The following FAM227B variants were observed in gnomAD, a reference collection of about 807,000 sequenced individuals.
FAM227B encodes the protein protein FAM227B.
Under a neutral mutation model 73.8 loss-of-function variants are expected in FAM227B, and 88 were observed. That is an observed-to-expected ratio of 1.19 (90% CI 1.00 to 1.42). FAM227B has a LOEUF of 1.42. Ranked by LOEUF, FAM227B falls within the 40% of genes most tolerant of loss-of-function variation. The pLI is 0.00. For synonymous variants in FAM227B, 210 were observed against 190.5 expected, an observed-to-expected ratio of 1.10 and a Z score of -0.84; for missense variants, 632 against 590.9, an observed-to-expected ratio of 1.07 and a Z score of -0.72.
intron 13 of FAM227B, among the ~76,000 whole-genome samples, chr15:49,364,311 G>C (rs1036039546): frequency 6.6e-6 from 1 of 152,066 alleles, no homozygotes; most frequent in Non-Finnish European, 1.5e-5. Flanking sequence ...GGTCTGTTCA[G>C]GGATTCAGTT....
intron 11 of FAM227B, among the ~76,000 whole-genome samples, chr15:49,431,258 G>C (rs11855798): frequency 0.28 from 41,997 of 151,604 alleles, 7,130 homozygotes; most frequent in Non-Finnish European, 0.38. Context: ...ACATGATTTG[G>C]AAAATTGTGT....
intron 10 of FAM227B, among the ~76,000 whole-genome samples, chr15:49,529,261 C>G (rs767684076): frequency 1.3e-5 from 2 of 151,186 alleles, no homozygotes; most frequent in Non-Finnish European, 3.0e-5. Context: ...TAAGTGGGAA[C>G]TAAACAATGG....
At chr15:49,392,512 G>C (rs1405612067) in intron 11 of FAM227B, among the ~76,000 whole-genome samples, 1 of 152,136 alleles carries the variant, frequency 6.6e-6, no homozygotes, top group Non-Finnish European at 1.5e-5. Context: ...TCAGGCAGTG[G>C]AGTGTATATA....
At chr15:49,595,325 T>C (rs1471091685) in intron 3 of FAM227B, among the ~76,000 whole-genome samples, 1 of 152,146 alleles carries the variant, frequency 6.6e-6, no homozygotes, top group Non-Finnish European at 1.5e-5. Flanking sequence ...AAATCATTTA[T>C]CAGATCTAGG....
At chr15:49,451,345 T>C (rs1029613004) in intron 11 of FAM227B, among the ~76,000 whole-genome samples, 6 of 152,022 alleles carry the variant, frequency 3.9e-5, no homozygotes, top group African/African-American at 1.4e-4. Context: ...AAAATTAGTA[T>C]CATAATGATA....
Position 49,439,453 on chromosome 15 carries a change from T to G in FAM227B, c.1013-68054A>C, listed in dbSNP as rs563541443. Among the ~76,000 whole-genome samples the G allele has an allele frequency of 5.9e-5, 9 of 151,674 alleles. No homozygotes were observed. The East Asian group carries it at 1.8e-3, about 30-fold the overall frequency. Reference sequence around the variant, plus strand: ...GTGGGGGGAGGGAACTACCCAAGGGTGTGAATAGTGAATACTAAGTGTTAG... The same window carrying G: ...GTGGGGGGAGGGAACTACCCAAGGGGGTGAATAGTGAATACTAAGTGTTAG... On this transcript the variant is annotated intron_variant, in intron 11 of 15. Transcript: ENST00000299338.
chr15:49,363,942 A>C (rs2044686123), intron 13 of FAM227B, among the ~76,000 whole-genome samples: 1 of 151,344 alleles, frequency 6.6e-6, no homozygotes, highest in African/African-American at 2.4e-5. Context: ...TGTTGCATGA[A>C]CCTTGTGTCC....
At chr15:49,600,362 T>TG (rs2077115754) in intron 3 of FAM227B, among the ~76,000 whole-genome samples, 1 of 150,938 alleles carries the variant, frequency 6.6e-6, no homozygotes, top group South Asian at 2.1e-4. Context: ...TTTTTTTTTT[T>TG]TTTAAATCCG....
intron 8 of FAM227B, among the ~76,000 whole-genome samples, chr15:49,569,233 A>G (rs2074908993): frequency 6.6e-6 from 1 of 151,488 alleles, no homozygotes; most frequent in South Asian, 2.1e-4. Flanking sequence ...CCACTTTTTT[A>G]TAATTTTAGT....
chr15:49,444,742 A>G (rs1270502552), intron 11 of FAM227B, among the ~76,000 whole-genome samples: 4 of 151,672 alleles, frequency 2.6e-5, no homozygotes, highest in Non-Finnish European at 4.4e-5. Flanking sequence ...TAAATTGCAA[A>G]TATCTCCAGC....
intron 9 of FAM227B, among the ~76,000 whole-genome samples, chr15:49,556,421 T>C (rs2073689948): frequency 6.6e-6 from 1 of 152,160 alleles, no homozygotes; most frequent in African/African-American, 2.4e-5. Context: ...CCCTGGCCCC[T>C]TGAGGTTAGA....
intron 11 of FAM227B, among the ~76,000 whole-genome samples, chr15:49,410,004 C>G (rs1014679283): frequency 1.3e-5 from 2 of 152,068 alleles, no homozygotes; most frequent in African/African-American, 2.4e-5. Context: ...TTCCCTTGTT[C>G]TCATTTCTTT....
intron 10 of FAM227B, among the ~76,000 whole-genome samples, chr15:49,536,058 C>T (rs929806565): frequency 9.9e-6 from 1 of 101,294 alleles, no homozygotes; most frequent in Non-Finnish European, 1.9e-5. Flanking sequence ...GAAGTACTAG[C>T]AAGGGCAATC....
At chr15:49,351,499 G>A (rs2042235717) in intron 13 of FAM227B, among the ~76,000 whole-genome samples, 1 of 151,288 alleles carries the variant, frequency 6.6e-6, no homozygotes, top group African/African-American at 2.4e-5. Flanking sequence ...CCATCTAATC[G>A]ACTATTGGAG....
rs866669195 is a variant in FAM227B at position 49,535,068 on chromosome 15, G to A, written c.874+6612C>T. Among the ~76,000 whole-genome samples, 10 of 151,454 alleles carry A rather than the reference G, an allele frequency of 6.6e-5. No individual in the cohort carries two copies. The South Asian group carries it at 8.3e-4, about 13-fold the overall frequency. On this transcript the variant is annotated intron_variant, in intron 10 of 15. Transcript: ENST00000299338. ...AAATTAAAATCAAAGTTAGCAGAAG[G>A]AAGGAAATAACAAAAAACAGAACAG...
Position 49,485,194 on chromosome 15 carries a change from C to G in FAM227B, c.1012+23017G>C, listed in dbSNP as rs1384461487. The G allele has an allele frequency of 2.0e-5, 3 of 152,394 alleles. No individual in the cohort carries two copies. In the East Asian group the frequency reaches 5.8e-4, roughly 29 times the overall value. 9.4% of individuals were successfully genotyped at this position (152,394 alleles called of 1,614,324 possible). ...TTGCTAAAAGGATGTTTCCAAAAAT[C>G]TTGTATATAAGATAGCAACAGTGAT... On this transcript the variant is annotated intron_variant, in intron 11 of 15. Transcript: ENST00000299338.
intron 11 of FAM227B, among the ~76,000 whole-genome samples, chr15:49,491,723 A>C (rs2057120777): frequency 7.6e-6 from 1 of 131,414 alleles, no homozygotes; most frequent in Admixed American, 8.0e-5. Context: ...ACACATATGC[A>C]CACACACACA....
At chr15:49,496,176 C>T (rs1161279893) in intron 11 of FAM227B, among the ~76,000 whole-genome samples, 1 of 151,992 alleles carries the variant, frequency 6.6e-6, no homozygotes, top group Non-Finnish European at 1.5e-5. Context: ...TGAGTAACTA[C>T]TGTGTTTCTT....
chr15:49,437,388 C>A (rs1025584301), intron 11 of FAM227B, among the ~76,000 whole-genome samples: 1 of 151,588 alleles, frequency 6.6e-6, no homozygotes, highest in African/African-American at 2.4e-5. Context: ...TAGGTTCTTT[C>A]TTTTGTCCAT....
Sources: gnomAD v4.1 joint callset for allele counts (sites outside exome capture counted in the v4.1 genomes callset) on GRCh38, gnomAD v4.1.1 for gene constraint, MANE v1.5 for transcripts, NCBI Gene and HGNC (gene_info 2026-07-23, HGNC 2026-07-21) for gene names.